Variants in ANXA10 observed in about 807,000 individuals in gnomAD.
ANXA10 encodes the protein annexin 14.
ANXA10 carries 49 observed loss-of-function variants against 53.5 expected under a neutral mutation model. The ratio of observed to expected loss-of-function variants is 0.92; its 90% CI spans 0.73 to 1.16. ANXA10 has a LOEUF of 1.16. Among genes scored for constraint, ANXA10 ranks in the 50% most tolerant of loss-of-function variants. The pLI, the probability that ANXA10 is intolerant of heterozygous loss-of-function variation, is 0.00. For synonymous variants in ANXA10, 131 were observed against 128.9 expected (o/e 1.02, Z -0.11); for missense variants, 393 against 394.4 (o/e 1.00, Z 0.03).
chr4:168,133,784 A>T (rs1277758411), intron 2 of ANXA10, among the ~76,000 whole-genome samples: 4 of 152,130 alleles, frequency 2.6e-5, no homozygotes, highest in Admixed American at 2.6e-4. Flanking sequence ...TTCATGGCAA[A>T]TTTGTAGAAT....
intron 3 of ANXA10, among the ~76,000 whole-genome samples, chr4:168,148,738 C>A (rs1036709273): frequency 4.6e-5 from 7 of 151,892 alleles, no homozygotes; most frequent in Non-Finnish European, 7.4e-5. Context: ...TCTTCTAATA[C>A]CCAATTCTAT....
At chr4:168,166,344 C>A (rs1731877579) in intron 6 of ANXA10, among the ~76,000 whole-genome samples, 1 of 152,144 alleles carries the variant, frequency 6.6e-6, no homozygotes, top group African/African-American at 2.4e-5. Flanking sequence ...ATTTATGTTT[C>A]TGTACTGGCT....
chr4:168,111,534 C>A (rs545371938), intron 1 of ANXA10, among the ~76,000 whole-genome samples: 2 of 152,254 alleles, frequency 1.3e-5, no homozygotes, highest in African/African-American at 2.4e-5. Context: ...ACAGAGGACA[C>A]AACATTCAAG....
chr4:168,122,545 T>C (rs1731004480), intron 1 of ANXA10, among the ~76,000 whole-genome samples: 1 of 152,132 alleles, frequency 6.6e-6, no homozygotes, highest in Non-Finnish European at 1.5e-5. Flanking sequence ...GACTGAGTAA[T>C]TTATAAGGAA....
chr4:168,114,878 T>C (rs1438011141), intron 1 of ANXA10, among the ~76,000 whole-genome samples: 1 of 151,940 alleles, frequency 6.6e-6, no homozygotes, highest in East Asian at 1.9e-4. Flanking sequence ...ACATTTTCTA[T>C]TTTTTGTTAT....
Position 168,179,280 on chromosome 4 carries a change from A to G in ANXA10, c.692A>G (p.Asp231Gly), listed in dbSNP as rs369459720. Residue 231 changes from aspartate (D) to glycine (G), a missense_variant, in exon 9 of 12, where the codon GAT becomes GGT. Transcript: ENST00000359299. ...DMVDAINECY[D>G]GYFQELLVAI... is the part of the protein sequence containing the mutation. Reference sequence around the variant, plus strand: ...GTAGATGCCATTAATGAATGTTATGATGGATACTTTCAGGAGCTGCTGGTT... The same window carrying G: ...GTAGATGCCATTAATGAATGTTATGGTGGATACTTTCAGGAGCTGCTGGTT... The G allele has an allele frequency of 5.6e-6, 9 of 1,611,928 alleles. No homozygotes were observed. In the Admixed American group the frequency reaches 1.3e-4, roughly 24 times the overall value.
intron 1 of ANXA10, among the ~76,000 whole-genome samples, chr4:168,105,235 T>C (rs1005794176): frequency 2.6e-5 from 4 of 151,916 alleles, no homozygotes; most frequent in Non-Finnish European, 5.9e-5. Flanking sequence ...CTATTACCCC[T>C]GAGTTATTTT....
At position 168,139,653 on chromosome 4, in the gene ANXA10, AT is replaced by A. The variant is rs376001928; in HGVS notation, c.195+83del. The A allele has an allele frequency of 3.7e-3, 3,937 of 1,070,426 alleles. 2 individuals are homozygous for A. Among genetic ancestry groups the A allele is most frequent in the South Asian group, 6.9e-3 (437 of 63,484 alleles). 66.3% of individuals were successfully genotyped at this position (1,070,426 alleles called of 1,614,324 possible). A position where few individuals can be genotyped will look rare whatever the true frequency, so the allele number is the denominator to read the frequency against. On this transcript the variant is annotated intron_variant, in intron 3 of 11. Transcript: ENST00000359299. Reference sequence around the variant, plus strand: ...CTAACCACACTCACGGATAATAGGTATTTTTTTTTTCAATCTCACAGATTGC... The same window carrying A: ...CTAACCACACTCACGGATAATAGGTATTTTTTTTTCAATCTCACAGATTGC...
At position 168,177,898 on chromosome 4, in the gene ANXA10, G is replaced by A; in HGVS notation, c.543G>A (p.Trp181Ter). The A allele has an allele frequency of 9.3e-6, 15 of 1,614,132 alleles. No individual in the cohort carries two copies. Among genetic ancestry groups the A allele is most frequent in the Non-Finnish European group, 1.3e-5 (15 of 1,180,016 alleles). Residue 181 changes from tryptophan (W) to a stop codon, truncating the protein, a stop_gained, in exon 8 of 12, where the codon TGG becomes TGA. Coordinates refer to ENST00000359299, the MANE Select transcript of ANXA10 (RefSeq NM_007193.5). LOFTEE classifies it high-confidence loss of function. ...GCTGGCTAATGTTCCAGGTCCTATG[G>A]GAAGCCTGTCAGCAGAAGACGGGGG... ...AMAAQDAMVL[W>*]EACQQKTGEH... is the part of the protein sequence containing the mutation.
intron 3 of ANXA10, among the ~76,000 whole-genome samples, chr4:168,160,856 CTTCTT>C (rs1234354947): frequency 6.6e-6 from 1 of 152,118 alleles, no homozygotes; most frequent in African/African-American, 2.4e-5. Flanking sequence ...GCACGTCTGT[CTTCTT>C]TTGAGAAGTG....
At chr4:168,095,173 TCTCTTTAGAATACACCTGC>T (rs1456939708) in intron 1 of ANXA10, among the ~76,000 whole-genome samples, 1 of 152,040 alleles carries the variant, frequency 6.6e-6, no homozygotes, top group Non-Finnish European at 1.5e-5. Flanking sequence ...ATATATAATG[TCTCTTTAGAATACACCTGC>T]CTCTTTAGAA....
chr4:168,124,047 C>T, intron 1 of ANXA10, among the ~76,000 whole-genome samples: 1 of 152,148 alleles, frequency 6.6e-6, no homozygotes, highest in East Asian at 1.9e-4. Flanking sequence ...GTTAATAGGA[C>T]CCATTATTCT....
At chr4:168,186,327 C>T (rs1361575403) in intron 11 of ANXA10, among the ~76,000 whole-genome samples, 2 of 152,152 alleles carry the variant, frequency 1.3e-5, no homozygotes, top group East Asian at 1.9e-4. Flanking sequence ...TAATTTTCTA[C>T]AGAAAATCAT....
intron 6 of ANXA10, among the ~76,000 whole-genome samples, chr4:168,167,615 A>G (rs1019141576): frequency 6.6e-6 from 1 of 152,228 alleles, no homozygotes; most frequent in East Asian, 1.9e-4. Context: ...CACGTTATCA[A>G]TATTTCTTTA....
chr4:168,103,045 T>C (rs1249448441), intron 1 of ANXA10, among the ~76,000 whole-genome samples: 1 of 152,100 alleles, frequency 6.6e-6, no homozygotes, highest in Non-Finnish European at 1.5e-5. Context: ...TTTATTTATA[T>C]TGTCCTATAC....
At chr4:168,146,933 T>C (rs776100883) in intron 3 of ANXA10, among the ~76,000 whole-genome samples, 70 of 152,354 alleles carry the variant, frequency 4.6e-4, no homozygotes, top group Non-Finnish European at 9.6e-4. Flanking sequence ...TTTTTTGTTC[T>C]GCACAGGTGT....
chr4:168,115,628 C>T (rs1004097381), intron 1 of ANXA10, among the ~76,000 whole-genome samples: 3 of 151,548 alleles, frequency 2.0e-5, no homozygotes, highest in Non-Finnish European at 2.9e-5. Context: ...AAAATGGAAA[C>T]GTTTTTGTTC....
At chr4:168,153,947 T>TA (rs1266896275) in intron 3 of ANXA10, among the ~76,000 whole-genome samples, 1 of 151,794 alleles carries the variant, frequency 6.6e-6, no homozygotes, top group East Asian at 1.9e-4. Context: ...CTTTTTTTTT[T>TA]ACAAAATTAG....
In ANXA10 at chr4:168,168,665, C is replaced by T. The variant is rs187777845; in HGVS notation, c.480+3339C>T. ...CAATCTCTTGACCTCTTGATCCGCC[C>T]GCCTCGGCCTCCCAAAGTGCTGGGA... On this transcript the variant is annotated intron_variant, in intron 6 of 11. Transcript: ENST00000359299. 5.8e-3 allele frequency among the ~76,000 whole-genome samples: 878 copies of T among 152,186 alleles called. 7 individuals are homozygous for T. Among genetic ancestry groups the T allele is most frequent in the African/African-American group, 0.019 (799 of 41,516 alleles).
Sources: gnomAD v4.1 joint callset for allele counts (sites outside exome capture counted in the v4.1 genomes callset) on GRCh38, gnomAD v4.1.1 for gene constraint, MANE v1.5 for transcripts, NCBI Gene and HGNC (gene_info 2026-07-23, HGNC 2026-07-21) for gene names.